The following RNF24 variants were observed in gnomAD, a reference collection of about 807,000 sequenced individuals.
The protein encoded by RNF24 is ring finger protein 24.
In RNF24, 14 loss-of-function variants were observed where a neutral mutation model predicts 20.0. The ratio of observed to expected loss-of-function variants is 0.70; its 90% CI spans 0.46 to 1.10. The LOEUF (loss-of-function observed/expected upper bound fraction) is 1.10. Ranked by LOEUF, RNF24 falls within the 50% of genes least tolerant of loss-of-function variation. The pLI, the probability that RNF24 is intolerant of heterozygous loss-of-function variation, is 0.00. For synonymous variants in RNF24, 45 were observed against 61.1 expected, an observed-to-expected ratio of 0.74 and a Z score of 1.23; for missense variants, 124 against 177.6, an observed-to-expected ratio of 0.70 and a Z score of 1.71.
intron 4 of RNF24, among the ~76,000 whole-genome samples, chr20:3,939,435 C>A (rs1600625973): frequency 1.3e-5 from 2 of 152,326 alleles, no homozygotes; most frequent in Admixed American, 1.3e-4. Flanking sequence ...TGTCCCAGCA[C>A]CACTGATTGA....
rs2090757743 is a variant in RNF24 at position 3,928,333 on chromosome 20, G to A, written c.*5730C>T. ...CTGCTGTAGGGGGCAAGTACACCAG[G>A]GAGGTGGGTGTGGACAGAGGCACTG... On this transcript the variant is annotated 3_prime_UTR_variant, in exon 6 of 6. Coordinates refer to ENST00000358395, the MANE Select transcript of RNF24 (RefSeq NM_001134337.3). 6.6e-6 allele frequency: 1 copy of A among 152,242 alleles called. No individual in the cohort carries two copies. The highest frequency in any genetic ancestry group is 2.1e-4 in the South Asian group (1 of 4,836). 9.4% of individuals were successfully genotyped at this position (152,242 alleles called of 1,614,324 possible). A position where few individuals can be genotyped will look rare whatever the true frequency, so the allele number is the denominator to read the frequency against.
At chr20:3,945,831 A>G (rs2091009913) in intron 3 of RNF24, among the ~76,000 whole-genome samples, 1 of 152,224 alleles carries the variant, frequency 6.6e-6, no homozygotes, top group Non-Finnish European at 1.5e-5. Flanking sequence ...TATTTAAGAA[A>G]AAACTCTGAG....
intron 4 of RNF24, among the ~76,000 whole-genome samples, chr20:3,943,087 A>AT (rs1302524587): frequency 1.3e-5 from 2 of 152,184 alleles, no homozygotes; most frequent in African/African-American, 4.8e-5. Flanking sequence ...AAGTGCTGGG[A>AT]TTATAGGTGT....
intron 1 of RNF24, among the ~76,000 whole-genome samples, chr20:3,996,751 T>C (rs1183615278): frequency 6.6e-6 from 1 of 152,144 alleles, no homozygotes; most frequent in Non-Finnish European, 1.5e-5. Flanking sequence ...TATCTTCTGC[T>C]TCATCCCTTT....
At position 3,929,808 on chromosome 20, in the gene RNF24, G is replaced by A. The variant is rs767874001; in HGVS notation, c.*4255C>T. On this transcript the variant is annotated 3_prime_UTR_variant, in exon 6 of 6. Coordinates refer to ENST00000358395, the MANE Select transcript of RNF24 (RefSeq NM_001134337.3). ...GGATTAGCTGGGCATTTGGGGTAAG[G>A]GAGGGACTGCAGATTCTGATTTGTA... The A allele has an allele frequency of 1.3e-5, 2 of 152,244 alleles. No individual in the cohort carries two copies. The highest frequency in any genetic ancestry group is 2.9e-5 in the Non-Finnish European group (2 of 68,046). 9.4% of individuals were successfully genotyped at this position (152,244 alleles called of 1,614,324 possible). A position where few individuals can be genotyped will look rare whatever the true frequency, so the allele number is the denominator to read the frequency against.
chr20:3,982,665 T>A (rs1398309452), intron 1 of RNF24, among the ~76,000 whole-genome samples: 1 of 150,458 alleles, frequency 6.6e-6, no homozygotes, highest in East Asian at 2.0e-4. Context: ...GGTGGGAGGA[T>A]CCCTTGAGCC....
rs888604000 is a variant in RNF24 at position 3,928,098 on chromosome 20, C to T, written c.*5965G>A. 7 of 152,164 alleles carry T rather than the reference C, an allele frequency of 4.6e-5. No individual in the cohort carries two copies. The highest frequency in any genetic ancestry group is 1.7e-4 in the African/African-American group (7 of 41,442). 9.4% of individuals were successfully genotyped at this position (152,164 alleles called of 1,614,324 possible). Reference sequence around the variant, plus strand: ...TAAAGAACCGTGAACCAGCATTTTCCAGTTATCAACTGGATATTTAGGCAT... The same window carrying T: ...TAAAGAACCGTGAACCAGCATTTTCTAGTTATCAACTGGATATTTAGGCAT... On this transcript the variant is annotated 3_prime_UTR_variant, in exon 6 of 6. Coordinates refer to ENST00000358395, the MANE Select transcript of RNF24 (RefSeq NM_001134337.3).
chr20:4,014,194 A>G (rs1288676127), intron 1 of RNF24, among the ~76,000 whole-genome samples: 1 of 152,192 alleles, frequency 6.6e-6, no homozygotes, highest in Non-Finnish European at 1.5e-5. Flanking sequence ...AACACAGGAA[A>G]ATTCACATCA....
rs944219856 is a variant in RNF24 at position 3,933,208 on chromosome 20, C to T, written c.*855G>A. ...AGTATGGGCCATTCTCAAAAAGCCA[C>T]TGCTCTTTGGAGCCACTCGAGAGGT... On this transcript the variant is annotated 3_prime_UTR_variant, in exon 6 of 6. Transcript: ENST00000358395. The T allele has an allele frequency of 5.0e-6, 2 of 398,212 alleles. No homozygotes were observed. The highest frequency in any genetic ancestry group is 8.8e-5 in the Admixed American group (2 of 22,676). 24.7% of individuals were successfully genotyped at this position (398,212 alleles called of 1,614,324 possible).
chr20:3,984,723 C>G (rs951332714), intron 1 of RNF24, among the ~76,000 whole-genome samples: 1 of 152,026 alleles, frequency 6.6e-6, no homozygotes, highest in Non-Finnish European at 1.5e-5. Context: ...TATCTTCTCT[C>G]TATTGTTTGA....
At chr20:3,987,091 T>A (rs192480155) in intron 1 of RNF24, among the ~76,000 whole-genome samples, 78 of 152,264 alleles carry the variant, frequency 5.1e-4, no homozygotes, top group Admixed American at 1.3e-4. Flanking sequence ...TTACAAAGAA[T>A]CTGCTAATCA....
intron 2 of RNF24, among the ~76,000 whole-genome samples, chr20:3,961,688 ATT>A (rs2091203523): frequency 6.6e-6 from 1 of 151,572 alleles, no homozygotes; most frequent in African/African-American, 2.4e-5. Flanking sequence ...CCTTAATAAC[ATT>A]TTCTTTTTTT....
intron 3 of RNF24, among the ~76,000 whole-genome samples, chr20:3,946,469 C>T (rs1320847983): frequency 1.3e-5 from 2 of 151,562 alleles, no homozygotes; most frequent in Non-Finnish European, 2.9e-5. Flanking sequence ...CAAAACAAAA[C>T]AAAACAAAAC....
Position 3,970,076 on chromosome 20 carries a change from A to G in RNF24, c.-7-6052T>C, listed in dbSNP as rs558146642. 8.5e-5 allele frequency among the ~76,000 whole-genome samples: 13 copies of G among 152,274 alleles called. No individual in the cohort carries two copies. In the East Asian group the frequency reaches 2.3e-3, roughly 27 times the overall value. The stretch of plus-strand genomic sequence containing the variant: ...ACCCTGACTTCTACCCCTATCCAGC[A>G]GTAACAAAGTGACTATACTCCTCCT... On this transcript the variant is annotated intron_variant, in intron 1 of 5. Coordinates refer to ENST00000358395, the MANE Select transcript of RNF24 (RefSeq NM_001134337.3).
intron 4 of RNF24, among the ~76,000 whole-genome samples, 163 bp downstream of exon 4, chr20:3,945,014 C>T (rs192947948): frequency 3.4e-4 from 52 of 152,272 alleles, no homozygotes; most frequent in Non-Finnish European, 6.6e-4. Context: ...GTAAAGCCTT[C>T]ACACAATTGA....
At chr20:4,003,005 T>A (rs1485075985) in intron 1 of RNF24, among the ~76,000 whole-genome samples, 2 of 152,220 alleles carry the variant, frequency 1.3e-5, no homozygotes, top group African/African-American at 2.4e-5. Flanking sequence ...AGTCTCACTC[T>A]GTCACCCAAG....
At chr20:4,008,373 T>TAA (rs1982073724) in intron 1 of RNF24, among the ~76,000 whole-genome samples, 1 of 9,392 alleles carries the variant, frequency 1.1e-4, no homozygotes, top group Admixed American at 9.9e-4. Context: ...ATATATATTA[T>TAA]ATATATAATA....
At chr20:3,988,091 G>A (rs887503565) in intron 1 of RNF24, among the ~76,000 whole-genome samples, 1 of 152,114 alleles carries the variant, frequency 6.6e-6, no homozygotes, top group African/African-American at 2.4e-5. Flanking sequence ...GAGAGGCCAA[G>A]GTGAGAGGAC....
At chr20:3,996,067 A>C (rs1980839959) in intron 1 of RNF24, among the ~76,000 whole-genome samples, 1 of 152,208 alleles carries the variant, frequency 6.6e-6, no homozygotes, top group Non-Finnish European at 1.5e-5. Context: ...CTTCAAGATC[A>C]GGAATGAATG....
Sources: gnomAD v4.1 joint callset for allele counts (sites outside exome capture counted in the v4.1 genomes callset) on GRCh38, gnomAD v4.1.1 for gene constraint, MANE v1.5 for transcripts, NCBI Gene and HGNC (gene_info 2026-07-23, HGNC 2026-07-21) for gene names.